ARAP1: variants seen among roughly 807,000 people sequenced by gnomAD.
ARAP1 encodes ArfGAP with RhoGAP domain, ankyrin repeat and PH domain 1, also known as arf-GAP with Rho-GAP domain, ANK repeat and PH domain-containing protein 1.
Under a neutral mutation model 172.2 loss-of-function variants are expected in ARAP1, and 76 were observed. That is an observed-to-expected ratio of 0.44 (90% confidence interval 0.37 to 0.53). The LOEUF is 0.53. Ranked by LOEUF, ARAP1 falls within the 20% of genes least tolerant of loss-of-function variation. The probability of loss-of-function intolerance (pLI) is 0.00; values close to 1 mark genes in which losing one functional copy is unlikely to be tolerated. For synonymous variants in ARAP1, 804 were observed against 803.3 expected (o/e 1.00, Z -0.01); for missense variants, 1,686 against 1,977.5 (o/e 0.85, Z 2.80).
chr11:72,703,965 C>T (rs1156582813), intron 14 of ARAP1, 187 bp downstream of exon 14: 4 of 713,246 alleles, frequency 5.6e-6, no homozygotes, highest in African/African-American at 3.6e-5. Flanking sequence ...GGCCTGGCTC[C>T]TCCCTGCATG....
intron 1 of ARAP1, among the ~76,000 whole-genome samples, chr11:72,742,914 T>C (rs1192364788): frequency 6.6e-6 from 1 of 152,192 alleles, no homozygotes; most frequent in East Asian, 1.9e-4. Context: ...AACCTGTCCC[T>C]GTGTGCCCCC....
chr11:72,697,604 C>T lies in ARAP1; in HGVS notation c.2783G>A (p.Arg928Gln), dbSNP rs532431878. 11 of 1,614,136 alleles carry T rather than the reference C, an allele frequency of 6.8e-6. No homozygotes were observed. Among genetic ancestry groups the T allele is most frequent in the South Asian group, 1.1e-5 (1 of 91,084 alleles). Residue 928 changes from arginine to glutamine, a missense_variant, in exon 20 of 35, where the codon CGA becomes CAA. By Grantham distance (43) the Arg-to-Gln change is conservative (BLOSUM62 1). Around this residue, in one of 5 missense-constraint regions of ARAP1, gnomAD observed 274 missense variants for 262.7 expected, o/e 1.04. Transcript: ENST00000393609. ...SENQVLVLVE[R>Q]RRTLYIQGER... ...CAGGGAGGCCGTGGCTCACCTCCTT[C>T]GCTCCACCAGCACCAGCACCTGGTT...
chr11:72,736,964 C>A (rs934007655), intron 1 of ARAP1, among the ~76,000 whole-genome samples: 12 of 152,162 alleles, frequency 7.9e-5, no homozygotes, highest in African/African-American at 2.9e-4. Context: ...AAACAGGGAG[C>A]CCCCAAAGTT....
intron 1 of ARAP1, among the ~76,000 whole-genome samples, chr11:72,743,741 G>C (rs1858273111): frequency 1.3e-5 from 2 of 152,056 alleles, no homozygotes; most frequent in South Asian, 4.1e-4. Flanking sequence ...AACACTGCTG[G>C]GGATGCCCTC....
chr11:72,745,617 T>C (rs1408826239), intron 1 of ARAP1, among the ~76,000 whole-genome samples: 1 of 140,008 alleles, frequency 7.1e-6, no homozygotes, highest in Non-Finnish European at 1.7e-5. Flanking sequence ...CATACCCGCA[T>C]GGAGTACCCA....
intron 22 of ARAP1, 21 bp downstream of exon 22, chr11:72,696,962 G>A: frequency 6.3e-7 from 1 of 1,593,994 alleles, no homozygotes; most frequent in Middle Eastern, 1.7e-4. Context: ...GAGGAGGCTG[G>A]GCACGGGCTG....
At chr11:72,746,626 T>C (rs1858373225) in intron 1 of ARAP1, among the ~76,000 whole-genome samples, 1 of 152,160 alleles carries the variant, frequency 6.6e-6, no homozygotes, top group African/African-American at 2.4e-5. Flanking sequence ...CTGCTCAGTG[T>C]GAAGAGAAGG....
At chr11:72,731,655 A>G (rs1261275146) in intron 2 of ARAP1, among the ~76,000 whole-genome samples, 1 of 152,218 alleles carries the variant, frequency 6.6e-6, no homozygotes, top group Non-Finnish European at 1.5e-5. Flanking sequence ...TCTCCTTAAG[A>G]GTATCTCACT....
At chr11:72,744,241 C>T (rs1206829036) in intron 1 of ARAP1, among the ~76,000 whole-genome samples, 2 of 152,168 alleles carry the variant, frequency 1.3e-5, no homozygotes, top group African/African-American at 2.4e-5. Context: ...TCAGGCAAGA[C>T]CAGGGATACC....
chr11:72,737,127 G>A (rs1565231827), intron 1 of ARAP1, among the ~76,000 whole-genome samples: 2 of 152,110 alleles, frequency 1.3e-5, no homozygotes, highest in Admixed American at 1.3e-4. Context: ...TCTCTCTTTG[G>A]TTGCTTGTTT....
At position 72,739,455 on chromosome 11, in the gene ARAP1, T is replaced by A. The variant is rs79874421; in HGVS notation, c.-127-6858A>T. Among the ~76,000 whole-genome samples, 1,300 of 152,178 alleles carry A rather than the reference T, an allele frequency of 8.5e-3. 20 individuals are homozygous for A. Among genetic ancestry groups the A allele is most frequent in the African/African-American group, 0.029 (1,220 of 41,528 alleles). On this transcript the variant is annotated intron_variant, in intron 1 of 34. Transcript: ENST00000393609. ...GGGGGAATGAAGAGCTGCCTCAGCTTGCTGGTGGGGAGTTGGGGGTCTATC... is the reference window on the plus strand; with the variant it reads ...GGGGGAATGAAGAGCTGCCTCAGCTAGCTGGTGGGGAGTTGGGGGTCTATC...
chr11:72,710,253 A>T lies in ARAP1; in HGVS notation c.1416+132T>A. Reference sequence around the variant, plus strand: ...GTGGTCAGAACTTGGGGGAGCGAGGACATATCCAGGCAAAGGGCTGGGCCC... The same window carrying T: ...GTGGTCAGAACTTGGGGGAGCGAGGTCATATCCAGGCAAAGGGCTGGGCCC... On this transcript the variant is annotated intron_variant, in intron 10 of 34. Transcript: ENST00000393609. This position sits in a 1 kb window ranked among gnomAD's most constrained non-coding sequence, Gnocchi z 4.3. The T allele has an allele frequency of 8.7e-7, 1 of 1,152,902 alleles. No individual in the cohort carries two copies. Among genetic ancestry groups the T allele is most frequent in the Non-Finnish European group, 1.3e-6 (1 of 788,322 alleles). The allele number at this position is 1,152,902 out of a possible 1,614,324, so 71.4% of individuals were successfully genotyped here. A position where few individuals can be genotyped will look rare whatever the true frequency, so the allele number is the denominator to read the frequency against.
Position 72,698,055 on chromosome 11 carries a change from G to A in ARAP1, c.2593C>T (p.Leu865=), listed in dbSNP as rs369187861. Residue 865 remains leucine (L), a synonymous_variant, in exon 19 of 35, where the codon CTG becomes TTG. Coordinates refer to ENST00000393609, the MANE Select transcript of ARAP1 (RefSeq NM_001040118.3). ...CCAGCTTTGTAGGGTAGGCGTCCCA[G>A]CCGCTCAAAATCCCGGGCCAGCAGA... ...EDLLARDFER[L]GRLPYKAGLS... 1.9e-5 allele frequency: 30 copies of A among 1,607,560 alleles called. No individual in the cohort carries two copies. The African/African-American group carries it at 2.9e-4, about 16-fold the overall frequency.
intron 2 of ARAP1, 135 bp from the exon 3 acceptor site, chr11:72,727,307 T>C (rs1314736702): frequency 1.2e-5 from 9 of 761,198 alleles, no homozygotes; most frequent in Middle Eastern, 6.6e-4. Context: ...CTCCATGTGC[T>C]AAGCAAGGCC....
chr11:72,696,804 T>G, intron 22 of ARAP1, 150 bp from the exon 23 acceptor site: 1 of 939,182 alleles, frequency 1.1e-6, no homozygotes, highest in South Asian at 1.7e-5. Context: ...GGTAAGGAAC[T>G]CTCGGTCTTC....
In ARAP1 at chr11:72,748,332, C is replaced by T. The variant is rs532136918; in HGVS notation, c.-128+3996G>A. Among the ~76,000 whole-genome samples, 76 of 152,150 alleles carry T rather than the reference C, an allele frequency of 5.0e-4. 1 individual carries two copies. The highest frequency in any genetic ancestry group is 2.1e-3 in the South Asian group (10 of 4,816). ...GTCAGGAGTTCAAGATCATCCTGGC[C>T]AACATGGTGAAACCCCGTCTCTACT... On this transcript the variant is annotated intron_variant, in intron 1 of 34. Transcript: ENST00000393609.
At chr11:72,719,057 C>T (rs1200292560) in intron 3 of ARAP1, among the ~76,000 whole-genome samples, 1 of 152,126 alleles carries the variant, frequency 6.6e-6, no homozygotes, top group Non-Finnish European at 1.5e-5. Context: ...AGGAGGAAAC[C>T]GAGGCACAGG....
chr11:72,703,995 C>T (rs1856640691), intron 14 of ARAP1, 157 bp downstream of exon 14: 1 of 1,020,600 alleles, frequency 9.8e-7, no homozygotes, highest in Non-Finnish European at 1.4e-6. Context: ...TTTCACATGG[C>T]TTAGGCAGGG....
intron 11 of ARAP1, among the ~76,000 whole-genome samples, chr11:72,707,870 G>A (rs1856840266): frequency 6.6e-6 from 1 of 152,010 alleles, no homozygotes; most frequent in Admixed American, 6.5e-5. Context: ...GGTTTAAGTA[G>A]GAAGGAGGGG....
Sources: gnomAD v4.1 joint callset for allele counts (sites outside exome capture counted in the v4.1 genomes callset) on GRCh38, gnomAD v4.1.1 for gene constraint, gnomAD v4.1.1 regional missense constraint, Gnocchi (gnomAD v3.1) non-coding constraint, MANE v1.5 for transcripts, NCBI Gene and HGNC (gene_info 2026-07-23, HGNC 2026-07-21) for gene names.